The following AFG1L variants were observed in gnomAD, a reference collection of about 807,000 sequenced individuals.
AFG1L encodes the protein AFG1-like ATPase.
AFG1L carries 53 observed loss-of-function variants against 62.2 expected under a neutral mutation model. The ratio of observed to expected loss-of-function variants is 0.85; its 90% CI spans 0.68 to 1.07. The LOEUF (loss-of-function observed/expected upper bound fraction) is 1.07. Ranked by LOEUF, AFG1L falls within the 50% of genes least tolerant of loss-of-function variation. The probability of loss-of-function intolerance (pLI) is 0.00; values close to 1 mark genes in which losing one functional copy is unlikely to be tolerated. For missense variants in AFG1L, 555 were observed against 590.5 expected, an observed-to-expected ratio of 0.94 and a Z score of 0.62; for synonymous variants, 228 against 210.3, an observed-to-expected ratio of 1.08 and a Z score of -0.73.
At chr6:108,302,964 A>G (rs1249911215) in intron 1 of AFG1L, among the ~76,000 whole-genome samples, 1 of 152,060 alleles carries the variant, frequency 6.6e-6, no homozygotes, top group South Asian at 2.1e-4. Flanking sequence ...GACTCTGGAA[A>G]TCGGAGTTTC....
intron 2 of AFG1L, among the ~76,000 whole-genome samples, chr6:108,325,279 C>T (rs1170720847): frequency 1.3e-5 from 2 of 152,108 alleles, no homozygotes; most frequent in Non-Finnish European, 2.9e-5. Flanking sequence ...CGATGTCCAT[C>T]TCAATTTATA....
intron 10 of AFG1L, among the ~76,000 whole-genome samples, chr6:108,481,213 C>T (rs1364257721): frequency 6.6e-6 from 1 of 152,190 alleles, no homozygotes; most frequent in Non-Finnish European, 1.5e-5. Flanking sequence ...TTGTTCCCTG[C>T]CGTTCCCTCC....
At position 108,500,171 on chromosome 6, in the gene AFG1L, C is replaced by CGTGCGTGTGT. The variant is rs1247963141; in HGVS notation, c.1063-10038_1063-10037insCGTGTGTGTG. On this transcript the variant is annotated intron_variant, in intron 10 of 12. Transcript: ENST00000368977. ...GCTGTGTAGTATTCCATGGTGCGTG[C>CGTGCGTGTGT]GTGTGTGTGTGTGTGTGTGTGTGTG... 8.6e-3 allele frequency among the ~76,000 whole-genome samples: 1,165 copies of CGTGCGTGTGT among 135,128 alleles called. 7 individuals are homozygous for CGTGCGTGTGT. The highest frequency in any genetic ancestry group is 0.023 in the Middle Eastern group (6 of 260). The allele number at this position is 135,128 out of a possible 152,430, so 88.6% of individuals were successfully genotyped here. A position where few individuals can be genotyped will look rare whatever the true frequency, so the allele number is the denominator to read the frequency against.
chr6:108,465,553 T>A (rs1772630821), intron 8 of AFG1L, among the ~76,000 whole-genome samples: 1 of 152,166 alleles, frequency 6.6e-6, no homozygotes. Context: ...CTCACAAGCA[T>A]GGATATATTT....
intron 3 of AFG1L, among the ~76,000 whole-genome samples, chr6:108,349,823 G>A (rs1779010757): frequency 6.6e-6 from 1 of 152,238 alleles, no homozygotes; most frequent in Middle Eastern, 3.4e-3. Flanking sequence ...AGGATGAGGT[G>A]GGAGGATCAC....
At chr6:108,373,624 G>GGAA (rs1363130774) in intron 6 of AFG1L, among the ~76,000 whole-genome samples, 4 of 138,598 alleles carry the variant, frequency 2.9e-5, no homozygotes, top group Non-Finnish European at 6.1e-5. Context: ...GTCTAGCTTT[G>GGAA]TTACTCAGGC....
chr6:108,350,821 T>G (rs973148969), intron 3 of AFG1L, among the ~76,000 whole-genome samples: 1 of 152,182 alleles, frequency 6.6e-6, no homozygotes, highest in African/African-American at 2.4e-5. Context: ...TCACATTGAT[T>G]CAGATTCTAG....
At chr6:108,410,616 A>G (rs998671047) in intron 7 of AFG1L, among the ~76,000 whole-genome samples, 7 of 152,162 alleles carry the variant, frequency 4.6e-5, no homozygotes, top group Non-Finnish European at 8.8e-5. Flanking sequence ...CAACTTTAAG[A>G]TTTTATACCA....
intron 8 of AFG1L, among the ~76,000 whole-genome samples, chr6:108,471,461 T>G (rs1036548007): frequency 1.1e-3 from 134 of 122,414 alleles, no homozygotes; most frequent in Admixed American, 6.6e-3. Context: ...TCTATCGTGT[T>G]CTTCTTCTTT....
intron 6 of AFG1L, among the ~76,000 whole-genome samples, chr6:108,370,715 C>T (rs867715796): frequency 2.0e-5 from 3 of 152,116 alleles, no homozygotes; most frequent in Non-Finnish European, 4.4e-5. Flanking sequence ...TTCTAATTTT[C>T]TGGCTTGTAC....
intron 10 of AFG1L, among the ~76,000 whole-genome samples, chr6:108,482,052 T>A (rs1183012683): frequency 3.9e-5 from 6 of 152,236 alleles, no homozygotes; most frequent in African/African-American, 1.4e-4. Flanking sequence ...CATCATGAGC[T>A]TGACAGCTTC....
rs72936786 is a variant in AFG1L at position 108,370,683 on chromosome 6, T to C, written c.748+4351T>C. ...CAGCACTTGGATATAGGTTGGATACTGAGGAAAAAGGAAAGGACACTTTCT... is the reference window on the plus strand; with the variant it reads ...CAGCACTTGGATATAGGTTGGATACCGAGGAAAAAGGAAAGGACACTTTCT... On this transcript the variant is annotated intron_variant, in intron 6 of 12. Transcript: ENST00000368977. 9.4e-3 allele frequency among the ~76,000 whole-genome samples: 1,426 copies of C among 152,246 alleles called. 12 individuals are homozygous for C. Among genetic ancestry groups the C allele is most frequent in the Middle Eastern group, 0.02 (6 of 294 alleles).
At chr6:108,506,501 G>T (rs1774425675) in intron 10 of AFG1L, among the ~76,000 whole-genome samples, 1 of 152,026 alleles carries the variant, frequency 6.6e-6, no homozygotes, top group South Asian at 2.1e-4. Flanking sequence ...GAGCCACTGG[G>T]CCTGGCTTCC....
rs576347496 is a variant in AFG1L at position 108,476,902 on chromosome 6, T to C, written c.928T>C (p.Leu310=). ...TGATGTGGAGGCTGTCATGGATAAG[T>C]TGTTTGATGAGCTGGCTCAGAAACA... ...EADVEAVMDK[L]FDELAQKQND... is the part of the protein sequence containing the mutation. Residue 310 remains leucine, a synonymous_variant, in exon 9 of 13, where the codon TTG becomes CTG. Coordinates refer to ENST00000368977, the MANE Select transcript of AFG1L (RefSeq NM_145315.5). 2.2e-5 allele frequency: 35 copies of C among 1,614,074 alleles called. 1 individual carries two copies. In the East Asian group the frequency reaches 7.1e-4, roughly 33 times the overall value.
At chr6:108,418,588 T>G (rs770677855) in intron 7 of AFG1L, among the ~76,000 whole-genome samples, 15 of 152,182 alleles carry the variant, frequency 9.9e-5, no homozygotes, top group Non-Finnish European at 1.9e-4. Flanking sequence ...TCCAAGAGCT[T>G]GCTGGATAAA....
chr6:108,422,310 A>G (rs1385739536), intron 7 of AFG1L, among the ~76,000 whole-genome samples: 2 of 151,830 alleles, frequency 1.3e-5, no homozygotes, highest in African/African-American at 4.8e-5. Flanking sequence ...ATTCTGAGGC[A>G]GGTGGATTAC....
At chr6:108,349,557 C>T (rs920257552) in intron 3 of AFG1L, among the ~76,000 whole-genome samples, 1 of 151,950 alleles carries the variant, frequency 6.6e-6, no homozygotes, top group Non-Finnish European at 1.5e-5. Context: ...AGAGTAGCCT[C>T]AAAATGCCAC....
At chr6:108,502,494 C>T (rs755253648) in intron 10 of AFG1L, among the ~76,000 whole-genome samples, 63 of 152,212 alleles carry the variant, frequency 4.1e-4, no homozygotes, top group Admixed American at 1.2e-3. Flanking sequence ...CATGAGCCAC[C>T]GTGCCTGGCC....
chr6:108,373,156 T>A (rs761313027), intron 6 of AFG1L, among the ~76,000 whole-genome samples: 2 of 152,078 alleles, frequency 1.3e-5, no homozygotes, highest in African/African-American at 4.8e-5. Flanking sequence ...GAGCATAGTA[T>A]CTAACAGTTA....
Sources: allele counts gnomAD v4.1 joint callset (sites outside exome capture counted in the v4.1 genomes callset), GRCh38; gene constraint gnomAD v4.1.1; transcripts MANE v1.5; gene names NCBI Gene and HGNC (gene_info 2026-07-23, HGNC 2026-07-21).